The following MACROD1 variants were observed in gnomAD, a reference collection of about 807,000 sequenced individuals.
MACROD1 encodes the protein mono-ADP ribosylhydrolase 1.
MACROD1 carries 31 observed loss-of-function variants against 41.4 expected under a neutral mutation model. That is an observed-to-expected ratio of 0.75 (90% CI 0.56 to 1.01). The LOEUF is 1.01. Among genes scored for constraint, MACROD1 ranks in the 50% least tolerant of loss-of-function variants. The probability of loss-of-function intolerance (pLI) is 0.00; values close to 1 mark genes in which losing one functional copy is unlikely to be tolerated. For synonymous variants in MACROD1, 252 were observed against 203.4 expected, an observed-to-expected ratio of 1.24 and a Z score of -2.03; for missense variants, 473 against 460.0, an observed-to-expected ratio of 1.03 and a Z score of -0.26.
At chr11:64,151,134 C>CGA in intron 3 of MACROD1, 105 bp downstream of exon 3, 1 of 949,478 alleles carries the variant, frequency 1.1e-6, no homozygotes, top group Non-Finnish European at 1.6e-6. Context: ...GCCAGCAACC[C>CGA]GAGCCTCACT....
intron 3 of MACROD1, among the ~76,000 whole-genome samples, chr11:64,034,597 C>T (rs1038470375): frequency 6.6e-6 from 1 of 152,032 alleles, no homozygotes; most frequent in African/African-American, 2.4e-5. Context: ...CCGGACTGGG[C>T]GCAAGAGGGC....
At chr11:64,145,681 C>G (rs1209487455) in intron 3 of MACROD1, among the ~76,000 whole-genome samples, 1 of 152,228 alleles carries the variant, frequency 6.6e-6, no homozygotes, top group African/African-American at 2.4e-5. Flanking sequence ...TTGCACAAAG[C>G]CTTTCATCCA....
chr11:64,094,825 G>A (rs919472371), intron 3 of MACROD1, among the ~76,000 whole-genome samples: 2 of 152,250 alleles, frequency 1.3e-5, no homozygotes, highest in African/African-American at 4.8e-5. Flanking sequence ...CAGGGGAACT[G>A]AGGCTGAAGC....
At chr11:64,137,802 G>A (rs958817825) in intron 3 of MACROD1, among the ~76,000 whole-genome samples, 2 of 152,212 alleles carry the variant, frequency 1.3e-5, no homozygotes, top group East Asian at 1.9e-4. Flanking sequence ...CATCCAGGCC[G>A]CAGAGTTCCA....
intron 3 of MACROD1, among the ~76,000 whole-genome samples, chr11:64,113,603 G>GTGGA (rs138402349): frequency 5.4e-4 from 64 of 117,544 alleles, no homozygotes; most frequent in East Asian, 8.4e-4. Context: ...GGATGGTTAG[G>GTGGA]TGGATGGATG....
intron 3 of MACROD1, among the ~76,000 whole-genome samples, chr11:64,041,998 T>TTA (rs1276988315): frequency 6.6e-6 from 1 of 151,798 alleles, no homozygotes; most frequent in African/African-American, 2.4e-5. Context: ...TGGGGGGCAG[T>TTA]TAGGGGCCCA....
chr11:64,041,209 A>AG (rs1181232126), intron 3 of MACROD1, among the ~76,000 whole-genome samples: 1 of 144,658 alleles, frequency 6.9e-6, no homozygotes, highest in African/African-American at 2.7e-5. Context: ...TAAAAAAAAA[A>AG]AAAAAAAAAA....
At chr11:64,126,602 T>C (rs1340635442) in intron 3 of MACROD1, among the ~76,000 whole-genome samples, 1 of 151,684 alleles carries the variant, frequency 6.6e-6, no homozygotes, top group African/African-American at 2.4e-5. Context: ...CATTCTGGAG[T>C]GGCACACAAC....
At chr11:64,008,561 G>A (rs945708952) in intron 4 of MACROD1, among the ~76,000 whole-genome samples, 1 of 152,118 alleles carries the variant, frequency 6.6e-6, no homozygotes, top group Non-Finnish European at 1.5e-5. Context: ...AGGAGCGCTC[G>A]GGCCCGGGAG....
chr11:64,073,704 G>C lies in MACROD1; in HGVS notation c.518-58423C>G, dbSNP rs189097782. On this transcript the variant is annotated intron_variant, in intron 3 of 10. Transcript: ENST00000255681. ...ATGGCATGCGAGAGTGTGCGTGCGC[G>C]TGGGTTCTCGCCTCCCAAACACACT... 7.7e-4 allele frequency among the ~76,000 whole-genome samples: 118 copies of C among 152,342 alleles called. 1 individual carries two copies. The highest frequency in any genetic ancestry group is 2.7e-3 in the African/African-American group (114 of 41,578).
intron 3 of MACROD1, among the ~76,000 whole-genome samples, chr11:64,094,910 C>G (rs1045807748): frequency 2.0e-5 from 3 of 152,210 alleles, no homozygotes; most frequent in African/African-American, 7.2e-5. Flanking sequence ...GGCCTGTGTC[C>G]CAAGAGGGGA....
intron 3 of MACROD1, among the ~76,000 whole-genome samples, chr11:64,086,406 A>G (rs1451477571): frequency 6.6e-6 from 1 of 151,818 alleles, no homozygotes; most frequent in Non-Finnish European, 1.5e-5. Flanking sequence ...AGGATGGAAC[A>G]TTCCCTCCCC....
intron 3 of MACROD1, among the ~76,000 whole-genome samples, chr11:64,100,698 G>A (rs1392958529): frequency 6.6e-6 from 1 of 152,206 alleles, no homozygotes; most frequent in East Asian, 1.9e-4. Flanking sequence ...CAGTGCTGCT[G>A]GAGAGCTCAC....
intron 4 of MACROD1, among the ~76,000 whole-genome samples, chr11:64,000,790 A>G (rs1298928724): frequency 6.6e-6 from 1 of 152,024 alleles, no homozygotes; most frequent in Non-Finnish European, 1.5e-5. Flanking sequence ...CCCGGGCCTC[A>G]GCGTCGGTGC....
intron 3 of MACROD1, among the ~76,000 whole-genome samples, chr11:64,150,850 C>T (rs984022549): frequency 1.3e-5 from 2 of 152,236 alleles, no homozygotes; most frequent in East Asian, 1.9e-4. Flanking sequence ...CTCCCTCACC[C>T]GCCCAGGTCT....
At chr11:64,152,611 G>A (rs971253940) in intron 1 of MACROD1, among the ~76,000 whole-genome samples, 1 of 152,200 alleles carries the variant, frequency 6.6e-6, no homozygotes, top group Admixed American at 6.5e-5. Context: ...GAGGTCTGGG[G>A]AGGCTGAGGG....
rs1279698555 is a variant in MACROD1, at chr11:64,163,047, G to A, written c.298+2650C>T. 5.9e-5 allele frequency among the ~76,000 whole-genome samples: 9 copies of A among 152,250 alleles called. No homozygotes were observed. The East Asian group carries it at 9.6e-4, about 16-fold the overall frequency. ...GAGGCAGGAAAATCACTTGAACCCC[G>A]GAGGCGGAGGTTGCAGTGAGCTGAG... On this transcript the variant is annotated intron_variant, in intron 1 of 10. Transcript: ENST00000255681.
At chr11:64,080,075 C>A (rs1274259948) in intron 3 of MACROD1, among the ~76,000 whole-genome samples, 1 of 152,170 alleles carries the variant, frequency 6.6e-6, no homozygotes, top group African/African-American at 2.4e-5. Flanking sequence ...TGCAATGGCA[C>A]CATCCCTGTT....
chr11:64,025,122 G>A lies in MACROD1; in HGVS notation c.518-9841C>T, dbSNP rs530845128. On this transcript the variant is annotated intron_variant, in intron 3 of 10. Transcript: ENST00000255681. ...GCCTCCTGAGTAGCTGGGACTACAG[G>A]CACACGACACCACACCCATCTGATT... Among the ~76,000 whole-genome samples, 26 of 152,200 alleles carry A rather than the reference G, an allele frequency of 1.7e-4. No homozygotes were observed. The South Asian group carries it at 2.1e-3, about 12-fold the overall frequency.
Sources: gnomAD v4.1 joint callset for allele counts (sites outside exome capture counted in the v4.1 genomes callset) on GRCh38, gnomAD v4.1.1 for gene constraint, MANE v1.5 for transcripts, NCBI Gene and HGNC (gene_info 2026-07-23, HGNC 2026-07-21) for gene names.